TMEM132E: variants seen among roughly 807,000 people sequenced by gnomAD.
The protein encoded by TMEM132E is transmembrane protein 132E.
In TMEM132E, 49 loss-of-function variants were observed where a neutral mutation model predicts 78.5. The ratio of observed to expected loss-of-function variants is 0.62; its 90% CI spans 0.50 to 0.79. TMEM132E has a LOEUF of 0.79. Ranked by LOEUF, TMEM132E falls within the 30% of genes least tolerant of loss-of-function variation. The pLI is 0.00. For synonymous variants in TMEM132E, 715 were observed against 670.6 expected (o/e 1.07, Z -1.02); for missense variants, 1,403 against 1,470.9 (o/e 0.95, Z 0.75).
In TMEM132E at chr17:34,626,872, C is replaced by T; in HGVS notation, c.813C>T (p.Ile271=). 3.7e-6 allele frequency: 6 copies of T among 1,609,776 alleles called. No individual in the cohort carries two copies. The highest frequency in any genetic ancestry group is 5.1e-6 in the Non-Finnish European group (6 of 1,179,564). ...CTACCCAGCACCCCCTGCTGCGCAT[C>T]GGGAGCATCAGCCTGTTCCGCCCGC... ...ESPTQHPLLR[I]GSISLFRPPP... is the part of the protein sequence containing the mutation. Residue 271 remains isoleucine (I), a synonymous_variant, in exon 2 of 9, where the codon ATC becomes ATT. Coordinates refer to ENST00000631683, the MANE Select transcript of TMEM132E (RefSeq NM_001304438.2).
At chr17:34,623,573 C>T (rs1907032036) in intron 1 of TMEM132E, among the ~76,000 whole-genome samples, 1 of 152,242 alleles carries the variant, frequency 6.6e-6, no homozygotes, top group African/African-American at 2.4e-5. Flanking sequence ...CCCTGGGCTG[C>T]TCTGCAGGTC....
chr17:34,613,172 T>TACACACACACACA (rs1416893742), intron 1 of TMEM132E, among the ~76,000 whole-genome samples: 12 of 112,600 alleles, frequency 1.1e-4, no homozygotes, highest in Non-Finnish European at 1.5e-4. Flanking sequence ...TCTCTCTCTC[T>TACACACACACACA]CTACACACAC....
At chr17:34,601,797 C>T (rs1321772953) in intron 1 of TMEM132E, among the ~76,000 whole-genome samples, 2 of 152,226 alleles carry the variant, frequency 1.3e-5, no homozygotes, top group Non-Finnish European at 2.9e-5. Flanking sequence ...CCCCAAAACC[C>T]CAGGCCCGAG....
chr17:34,627,467 CGTGTGTGTGTGTGTGT>C (rs145658598), intron 2 of TMEM132E, among the ~76,000 whole-genome samples: 5 of 126,470 alleles, frequency 4.0e-5, no homozygotes, highest in African/African-American at 9.1e-5. Flanking sequence ...CCAAAAGAAT[CGTGTGTGTGTGTGTGT>C]GTGTGTGTGT....
At position 34,580,408 on chromosome 17, in the gene TMEM132E, T is replaced by G. The variant is rs1182087493; in HGVS notation, c.-669T>G. The G allele has an allele frequency of 6.6e-6, 1 of 152,348 alleles. No homozygotes were observed. The highest frequency in any genetic ancestry group is 1.5e-5 in the Non-Finnish European group (1 of 68,146). 9.4% of individuals were successfully genotyped at this position (152,348 alleles called of 1,614,324 possible). A position where few individuals can be genotyped will look rare whatever the true frequency, so the allele number is the denominator to read the frequency against. ...AGCGAGCCTTGCGAGGGGACAAACA[T>G]CTGGCCGCCCGCCTCGGGCATCCGG... On this transcript the variant is annotated 5_prime_UTR_variant, in exon 1 of 9. Coordinates refer to ENST00000631683, the MANE Select transcript of TMEM132E (RefSeq NM_001304438.2).
chr17:34,636,820 G>A (rs966488952), intron 8 of TMEM132E, among the ~76,000 whole-genome samples: 8 of 152,216 alleles, frequency 5.3e-5, no homozygotes, highest in Non-Finnish European at 1.2e-4. Flanking sequence ...CCCAAGGTTA[G>A]GCATGGAGAT....
Position 34,626,419 on chromosome 17 carries a change from G to T in TMEM132E, c.360G>T (p.Leu120=). The T allele has an allele frequency of 6.2e-7, 1 of 1,613,434 alleles. No individual in the cohort carries two copies. The highest frequency in any genetic ancestry group is 2.2e-5 in the East Asian group (1 of 44,862). The part of the protein sequence containing the change: ...PSSTLDIPER[L]TVNWKVRAFI... ...GCACCCTGGACATCCCCGAGCGCCT[G>T]ACGGTGAACTGGAAGGTGCGGGCCT... Residue 120 remains leucine, a synonymous_variant, in exon 2 of 9, where the codon CTG becomes CTT. Coordinates refer to ENST00000631683, the MANE Select transcript of TMEM132E (RefSeq NM_001304438.2).
intron 2 of TMEM132E, among the ~76,000 whole-genome samples, chr17:34,627,486 G>GTGTGTGTGTGTGTGTA (rs1719110210): frequency 1.3e-5 from 2 of 151,696 alleles, no homozygotes; most frequent in Admixed American, 1.3e-4. Context: ...GTGTGTGTGT[G>GTGTGTGTGTGTGTGTA]TGTGTGTGTG....
intron 1 of TMEM132E, among the ~76,000 whole-genome samples, chr17:34,586,911 T>C (rs918194816): frequency 6.6e-6 from 1 of 152,224 alleles, no homozygotes; most frequent in African/African-American, 2.4e-5. Flanking sequence ...TTTATCAAAC[T>C]GTAATCCTTC....
chr17:34,608,762 G>A (rs1369618936), intron 1 of TMEM132E, among the ~76,000 whole-genome samples: 1 of 152,188 alleles, frequency 6.6e-6, no homozygotes, highest in Non-Finnish European at 1.5e-5. Context: ...CAGAGACAGG[G>A]GAGCAGGTGG....
chr17:34,616,946 G>A (rs948260587), intron 1 of TMEM132E, among the ~76,000 whole-genome samples: 1 of 152,214 alleles, frequency 6.6e-6, no homozygotes, highest in South Asian at 2.1e-4. Context: ...GCAGAGCCGG[G>A]GCTGGGTTTT....
intron 1 of TMEM132E, among the ~76,000 whole-genome samples, chr17:34,599,229 G>C (rs993223034): frequency 5.9e-5 from 9 of 152,204 alleles, no homozygotes; most frequent in African/African-American, 2.2e-4. Flanking sequence ...AGGGTATGTG[G>C]AGAATCAGAG....
intron 5 of TMEM132E, among the ~76,000 whole-genome samples, chr17:34,632,107 G>A (rs577653276): frequency 6.6e-6 from 1 of 152,138 alleles, no homozygotes; most frequent in Non-Finnish European, 1.5e-5. Context: ...GGGTTCTAAG[G>A]TCCTGAGTTT....
rs1362342027 is a variant in TMEM132E at position 34,637,385 on chromosome 17, G to T, written c.2378G>T (p.Cys793Phe). The T allele has an allele frequency of 6.2e-7, 1 of 1,613,930 alleles. No homozygotes were observed. The highest frequency in any genetic ancestry group is 1.1e-5 in the South Asian group (1 of 91,088). Residue 793 changes from cysteine to phenylalanine, a missense_variant, in exon 9 of 9, where the codon TGC (cysteine) becomes TTC (phenylalanine). Coordinates refer to ENST00000631683, the MANE Select transcript of TMEM132E (RefSeq NM_001304438.2). ...LRAELTIAES[C>F]QKTKRKSVLA... Reference sequence around the variant, plus strand: ...GCAGAGCTAACCATCGCTGAGAGCTGCCAGAAAACCAAACGCAAGAGTGTG... The same window carrying T: ...GCAGAGCTAACCATCGCTGAGAGCTTCCAGAAAACCAAACGCAAGAGTGTG...
chr17:34,590,836 AT>A (rs1905844560), intron 1 of TMEM132E, among the ~76,000 whole-genome samples: 1 of 152,166 alleles, frequency 6.6e-6, no homozygotes, highest in South Asian at 2.1e-4. Context: ...AGGGTTCTCA[AT>A]AATTACTTGA....
At chr17:34,633,004 G>C (rs1482965015) in intron 6 of TMEM132E, 95 bp downstream of exon 6, 1 of 1,353,934 alleles carries the variant, frequency 7.4e-7, no homozygotes, top group African/African-American at 1.4e-5. Flanking sequence ...TAAGGCCCTT[G>C]GTATACATAG....
In TMEM132E at chr17:34,626,940, T is replaced by C. The variant is rs1275573215; in HGVS notation, c.881T>C (p.Leu294Pro). The C allele has an allele frequency of 6.2e-7, 1 of 1,613,758 alleles. No homozygotes were observed. Among genetic ancestry groups the C allele is most frequent in the Admixed American group, 1.7e-5 (1 of 60,028 alleles). Residue 294 changes from leucine to proline, a missense_variant, in exon 2 of 9, where the codon CTG becomes CCG. By Grantham distance (98) the Leu-to-Pro change is moderately conservative (BLOSUM62 -3). Around this residue, in one of 3 missense-constraint regions of TMEM132E, gnomAD observed 511 missense variants for 499.0 expected, o/e 1.02. Coordinates refer to ENST00000631683, the MANE Select transcript of TMEM132E (RefSeq NM_001304438.2). ...TLQEHRLDSN[L>P]MIRLPDRPLK... ...CAGGAGCACAGGCTGGACAGCAACC[T>C]GATGATCCGCCTGCCAGACCGGCCC...
At chr17:34,602,234 C>T (rs980161292) in intron 1 of TMEM132E, among the ~76,000 whole-genome samples, 3 of 152,234 alleles carry the variant, frequency 2.0e-5, no homozygotes, top group African/African-American at 4.8e-5. Context: ...AATGAACAAT[C>T]GTGCTGCTTT....
chr17:34,593,566 C>T (rs976339029), intron 1 of TMEM132E, among the ~76,000 whole-genome samples: 1 of 152,346 alleles, frequency 6.6e-6, no homozygotes, highest in South Asian at 2.1e-4. Context: ...CCACTCACCT[C>T]CTGCTGTCCT....
Sources: gnomAD v4.1 joint callset for allele counts (sites outside exome capture counted in the v4.1 genomes callset) on GRCh38, gnomAD v4.1.1 for gene constraint, gnomAD v4.1.1 regional missense constraint, MANE v1.5 for transcripts, NCBI Gene and HGNC (gene_info 2026-07-23, HGNC 2026-07-21) for gene names.